The following SLC44A1 variants were observed in gnomAD, a reference collection of about 807,000 sequenced individuals.
SLC44A1 encodes the protein choline transporter-like protein 1.
Under a neutral mutation model 79.3 loss-of-function variants are expected in SLC44A1, and 26 were observed. The ratio of observed to expected loss-of-function variants is 0.33; its 90% CI spans 0.24 to 0.46. The LOEUF (loss-of-function observed/expected upper bound fraction) is 0.46. Among genes scored for constraint, SLC44A1 ranks in the 20% least tolerant of loss-of-function variants. SLC44A1 has a pLI of 1.00. For synonymous variants in SLC44A1, 263 were observed against 286.2 expected, an observed-to-expected ratio of 0.92 and a Z score of 0.82; for missense variants, 688 against 798.1, an observed-to-expected ratio of 0.86 and a Z score of 1.66.
At chr9:105,252,808 C>T (rs1458008914) in intron 1 of SLC44A1, among the ~76,000 whole-genome samples, 1 of 152,164 alleles carries the variant, frequency 6.6e-6, no homozygotes, top group Non-Finnish European at 1.5e-5. Context: ...GTAATATTTC[C>T]TCCTTTTTGA....
intron 1 of SLC44A1, among the ~76,000 whole-genome samples, chr9:105,254,824 T>G (rs1829666289): frequency 6.6e-6 from 1 of 152,216 alleles, no homozygotes. Flanking sequence ...TTGCAGGCCA[T>G]GGTCCTTCAA....
chr9:105,282,372 A>T (rs1320192198), intron 1 of SLC44A1, among the ~76,000 whole-genome samples: 1 of 151,792 alleles, frequency 6.6e-6, no homozygotes, highest in Admixed American at 6.6e-5. Flanking sequence ...GCTTTCCTTA[A>T]CTCAGCTTCT....
intron 15 of SLC44A1, among the ~76,000 whole-genome samples, chr9:105,421,640 T>C (rs1187819685): frequency 6.7e-6 from 1 of 148,650 alleles, no homozygotes; most frequent in Non-Finnish European, 1.5e-5. Context: ...GTAGGCAGAG[T>C]GCAGTGGCGC....
In SLC44A1 at chr9:105,394,073, G is replaced by T. The variant is rs564520782; in HGVS notation, c.*5017G>T. The T allele has an allele frequency of 1.1e-5, 11 of 985,146 alleles. No individual in the cohort carries two copies. Among genetic ancestry groups the T allele is most frequent in the Middle Eastern group, 1.0e-3 (2 of 1,914 alleles). The allele number at this position is 985,146 out of a possible 1,614,324, so 61.0% of individuals were successfully genotyped here. The stretch of plus-strand genomic sequence containing the variant: ...TCTTTCCTTCAAATGCACATCACAT[G>T]TCTGTGAACACTCAAAATGCTCATA... On this transcript the variant is annotated 3_prime_UTR_variant, in exon 16 of 16. Transcript: ENST00000374720.
At chr9:105,353,973 A>G (rs1213427258) in intron 5 of SLC44A1, among the ~76,000 whole-genome samples, 1 of 151,732 alleles carries the variant, frequency 6.6e-6, no homozygotes, top group Non-Finnish European at 1.5e-5. Flanking sequence ...CATCATGACA[A>G]AGTTGTCAGT....
intron 1 of SLC44A1, among the ~76,000 whole-genome samples, chr9:105,267,260 C>T (rs1259817280): frequency 6.6e-6 from 1 of 152,142 alleles, no homozygotes; most frequent in Non-Finnish European, 1.5e-5. Flanking sequence ...ATTCTTGATT[C>T]TTCATATTAA....
In SLC44A1 at chr9:105,391,956, C is replaced by T. The variant is rs1365417897; in HGVS notation, c.*2900C>T. ...ACCAGAGTATCGTGGTTTTTGCCATCAGATAATTAAGGCTCTGGTGCATAA... is the reference window on the plus strand; with the variant it reads ...ACCAGAGTATCGTGGTTTTTGCCATTAGATAATTAAGGCTCTGGTGCATAA... On this transcript the variant is annotated 3_prime_UTR_variant, in exon 16 of 16. Transcript: ENST00000374720. 1.0e-6 allele frequency: 1 copy of T among 985,080 alleles called. No homozygotes were observed. Among genetic ancestry groups the T allele is most frequent in the African/African-American group, 1.7e-5 (1 of 57,156 alleles). The allele number at this position is 985,080 out of a possible 1,614,324, so 61.0% of individuals were successfully genotyped here.
At chr9:105,300,920 C>T (rs1183304943) in intron 2 of SLC44A1, among the ~76,000 whole-genome samples, 7 of 151,938 alleles carry the variant, frequency 4.6e-5, no homozygotes, top group Non-Finnish European at 1.0e-4. Flanking sequence ...GGATTACAGG[C>T]ATGTACCACC....
At chr9:105,407,731 G>T (rs1010456849) in intron 15 of SLC44A1, among the ~76,000 whole-genome samples, 4 of 151,410 alleles carry the variant, frequency 2.6e-5, no homozygotes, top group Admixed American at 6.6e-5. Context: ...TTAGCTGGGC[G>T]TGATGGCACA....
chr9:105,379,233 C>A (rs1273345584), intron 13 of SLC44A1, among the ~76,000 whole-genome samples: 3 of 152,148 alleles, frequency 2.0e-5, no homozygotes, highest in Non-Finnish European at 4.4e-5. Flanking sequence ...CGTGATCACA[C>A]CGCTGCATTC....
intron 12 of SLC44A1, among the ~76,000 whole-genome samples, chr9:105,374,112 G>C (rs1464157894): frequency 6.6e-6 from 1 of 152,158 alleles, no homozygotes; most frequent in African/African-American, 2.4e-5. Flanking sequence ...TGTACTACAA[G>C]AGCTGTGAGA....
At chr9:105,437,371 A>G (rs558304654) in intron 15 of SLC44A1, among the ~76,000 whole-genome samples, 6 of 152,248 alleles carry the variant, frequency 3.9e-5, no homozygotes, top group African/African-American at 1.4e-4. Flanking sequence ...GTCTATAGAT[A>G]TAGATATAAC....
intron 15 of SLC44A1, among the ~76,000 whole-genome samples, chr9:105,435,294 A>T (rs1442073081): frequency 2.0e-5 from 3 of 152,216 alleles, no homozygotes; most frequent in Non-Finnish European, 2.9e-5. Flanking sequence ...AATTGAAGAG[A>T]CTACCCAAAC....
intron 3 of SLC44A1, among the ~76,000 whole-genome samples, chr9:105,333,325 T>G (rs1000566355): frequency 1.3e-5 from 2 of 152,160 alleles, no homozygotes; most frequent in East Asian, 1.9e-4. Context: ...GCTCATCACT[T>G]AGAACTGTGT....
chr9:105,297,277 C>A (rs559295371), intron 1 of SLC44A1, among the ~76,000 whole-genome samples: 1 of 152,230 alleles, frequency 6.6e-6, no homozygotes, highest in South Asian at 2.1e-4. Context: ...AACTCCAATT[C>A]TCCGCCCTCA....
intron 12 of SLC44A1, among the ~76,000 whole-genome samples, chr9:105,368,775 C>G (rs1828015412): frequency 6.6e-6 from 1 of 152,030 alleles, no homozygotes; most frequent in South Asian, 2.1e-4. Flanking sequence ...CGGTGGCTCA[C>G]GCCTGTAATC....
At chr9:105,326,539 G>C (rs769097044) in intron 3 of SLC44A1, among the ~76,000 whole-genome samples, 1 of 152,196 alleles carries the variant, frequency 6.6e-6, no homozygotes, top group Non-Finnish European at 1.5e-5. Context: ...TGCTTTTCCA[G>C]TTCCATGCCT....
intron 4 of SLC44A1, among the ~76,000 whole-genome samples, chr9:105,344,951 C>T (rs965035144): frequency 1.8e-4 from 28 of 152,064 alleles, no homozygotes; most frequent in African/African-American, 4.8e-4. Flanking sequence ...GAAAGGACAG[C>T]GCAAGCAGAG....
In SLC44A1 at chr9:105,390,320, G is replaced by A. The variant is rs1203210036; in HGVS notation, c.*1264G>A. ...AGAATAATTCATGATCTGTTTATGC[G>A]ATAACTCCTTTTTGTTACAATTTTT... On this transcript the variant is annotated 3_prime_UTR_variant, in exon 16 of 16. Coordinates refer to ENST00000374720, the MANE Select transcript of SLC44A1 (RefSeq NM_080546.5). 3.1e-6 allele frequency: 3 copies of A among 980,492 alleles called. No homozygotes were observed. Among genetic ancestry groups the A allele is most frequent in the Admixed American group, 6.7e-5 (1 of 14,980 alleles). 60.7% of individuals were successfully genotyped at this position (980,492 alleles called of 1,614,324 possible). A position where few individuals can be genotyped will look rare whatever the true frequency, so the allele number is the denominator to read the frequency against.
Sources: gnomAD v4.1 joint callset for allele counts (sites outside exome capture counted in the v4.1 genomes callset) on GRCh38, gnomAD v4.1.1 for gene constraint, MANE v1.5 for transcripts, NCBI Gene and HGNC (gene_info 2026-07-23, HGNC 2026-07-21) for gene names.